ZNF141: variants seen among roughly 807,000 people sequenced by gnomAD.
ZNF141 encodes zinc finger protein 141 (clone pHZ-44).
A neutral mutation model predicts 11.3 loss-of-function variants in ZNF141; 7 were observed. The observed-to-expected ratio is 0.62, with a 90% CI of 0.35 to 1.16. The LOEUF (loss-of-function observed/expected upper bound fraction) is 1.16. Ranked by LOEUF, ZNF141 falls within the 50% of genes most tolerant of loss-of-function variation. The pLI, the probability that ZNF141 is intolerant of heterozygous loss-of-function variation, is 0.02. For missense variants in ZNF141, 535 were observed against 554.0 expected (o/e 0.97, Z 0.34); for synonymous variants, 183 against 190.7 (o/e 0.96, Z 0.33).
chr4:352,154 G>A (rs1395719981), intron 3 of ZNF141, among the ~76,000 whole-genome samples: 1 of 152,164 alleles, frequency 6.6e-6, no homozygotes, highest in African/African-American at 2.4e-5. Flanking sequence ...TTGGGAGGCC[G>A]AGACGGGCAT....
chr4:346,896 G>GC (rs200698140), intron 3 of ZNF141, among the ~76,000 whole-genome samples: 22 of 128,820 alleles, frequency 1.7e-4, no homozygotes, highest in South Asian at 2.3e-4. Context: ...CACACACACC[G>GC]CCCCCCCCAT....
chr4:364,780 A>G (rs1309752011), intron 3 of ZNF141, among the ~76,000 whole-genome samples: 1 of 152,134 alleles, frequency 6.6e-6, no homozygotes, highest in Non-Finnish European at 1.5e-5. Context: ...TAGGCTACAT[A>G]GGGGTCAGGG....
intron 3 of ZNF141, among the ~76,000 whole-genome samples, chr4:348,083 A>G (rs782729022): frequency 2.0e-5 from 3 of 152,016 alleles, no homozygotes; most frequent in Non-Finnish European, 4.4e-5. Flanking sequence ...TGATCTCATG[A>G]TCTGCCTGCC....
At position 382,452 on chromosome 4, in the gene ZNF141, A is replaced by G. The variant is rs1171840938; in HGVS notation, c.*8590A>G. ...CAGGAACAGTAATTTGACTTTGTCT[A>G]TATTAAAAATCATAAATAGTCAACA... On this transcript the variant is annotated 3_prime_UTR_variant, in exon 4 of 4. Transcript: ENST00000240499. 3.3e-5 allele frequency among the ~76,000 whole-genome samples: 5 copies of G among 152,218 alleles called. No individual in the cohort carries two copies. Among genetic ancestry groups the G allele is most frequent in the African/African-American group, 9.6e-5 (4 of 41,462 alleles).
intron 3 of ZNF141, among the ~76,000 whole-genome samples, chr4:363,170 C>T (rs1483380132): frequency 5.9e-5 from 9 of 151,984 alleles, no homozygotes; most frequent in African/African-American, 2.2e-4. Flanking sequence ...CATGATTTGG[C>T]TCTCTGTCTG....
In ZNF141 at chr4:375,515, GA is replaced by G. The variant is rs1553854440; in HGVS notation, c.*1654del. On this transcript the variant is annotated 3_prime_UTR_variant, in exon 4 of 4. Coordinates refer to ENST00000240499, the MANE Select transcript of ZNF141 (RefSeq NM_003441.4). ...TAAAAAGAAGAGTATGTAAACATCA[GA>G]GGATTTACAGTAGAAAGAACTAAGG... Among the ~76,000 whole-genome samples, 1 of 151,978 alleles carries G rather than the reference GA, an allele frequency of 6.6e-6. No homozygotes were observed. The highest frequency in any genetic ancestry group is 1.9e-4 in the East Asian group (1 of 5,194).
rs962712588 is a variant in ZNF141, at chr4:371,936, A to G, written c.227-728A>G. On this transcript the variant is annotated intron_variant, in intron 3 of 3. Coordinates refer to ENST00000240499, the MANE Select transcript of ZNF141 (RefSeq NM_003441.4). Reference sequence around the variant, plus strand: ...GTTATTTGTACATTAACAAAAAGCTATTTGTCACAATCTTTACAATGTAGC... The same window carrying G: ...GTTATTTGTACATTAACAAAAAGCTGTTTGTCACAATCTTTACAATGTAGC... Among the ~76,000 whole-genome samples the G allele has an allele frequency of 2.6e-5, 4 of 152,172 alleles. No homozygotes were observed. The East Asian group carries it at 7.7e-4, about 29-fold the overall frequency.
At chr4:340,552 A>G (rs1007611597) in intron 1 of ZNF141, among the ~76,000 whole-genome samples, 2 of 152,186 alleles carry the variant, frequency 1.3e-5, no homozygotes, top group African/African-American at 4.8e-5. Flanking sequence ...ATGCCCACAA[A>G]TGTGCTTACC....
At chr4:342,299 C>T (rs1721085475) in intron 1 of ZNF141, among the ~76,000 whole-genome samples, 1 of 152,212 alleles carries the variant, frequency 6.6e-6, no homozygotes, top group Non-Finnish European at 1.5e-5. Flanking sequence ...CAGATACAGA[C>T]TTACTCAGAC....
At chr4:351,071 A>G (rs1178382447) in intron 3 of ZNF141, among the ~76,000 whole-genome samples, 2 of 151,534 alleles carry the variant, frequency 1.3e-5, no homozygotes, top group African/African-American at 2.4e-5. Flanking sequence ...TTTTAAAAGC[A>G]TGTGGCACCT....
At chr4:343,663 T>G in intron 1 of ZNF141, 119 bp from the exon 2 acceptor site, 18 of 1,166,612 alleles carry the variant, frequency 1.5e-5, no homozygotes, top group Non-Finnish European at 2.0e-5. Context: ...AGGCGGAGCT[T>G]GCAGTGAGCC....
At chr4:365,275 C>T (rs1319399178) in intron 3 of ZNF141, among the ~76,000 whole-genome samples, 1 of 152,214 alleles carries the variant, frequency 6.6e-6, no homozygotes, top group East Asian at 1.9e-4. Context: ...TCCCCCAACC[C>T]CTTGTGCTTC....
chr4:358,281 G>A (rs888304126), intron 3 of ZNF141: 2 of 369,804 alleles, frequency 5.4e-6, no homozygotes, highest in African/African-American at 2.3e-5. Context: ...TCTACCTCCC[G>A]AGTTCAAGTG....
rs1356825252 is a variant in ZNF141, at chr4:373,591, A to G, written c.1154A>G (p.His385Arg). 6.2e-7 allele frequency: 1 copy of G among 1,613,996 alleles called. No individual in the cohort carries two copies. Among genetic ancestry groups the G allele is most frequent in the Non-Finnish European group, 8.5e-7 (1 of 1,179,984 alleles). ...GGACGGTCCAGGGTCCTGAATGAAC[A>G]TAAAAAAATTCATACTGGAGAGAAA... ...AFGRSRVLNE[H>R]KKIHTGEKPY... is the part of the protein sequence containing the mutation. The change falls in exon 4 of 4, where the codon CAT becomes CGT. Residue 385 changes from histidine to arginine, a missense_variant. Physicochemically the swap from His to Arg is conservative, Grantham distance 29. Coordinates refer to ENST00000240499, the MANE Select transcript of ZNF141 (RefSeq NM_003441.4).
At chr4:352,524 C>A (rs1721651594) in intron 3 of ZNF141, among the ~76,000 whole-genome samples, 1 of 152,168 alleles carries the variant, frequency 6.6e-6, no homozygotes, top group Non-Finnish European at 1.5e-5. Context: ...CTAGCTCAGA[C>A]TGAAGGTGGA....
intron 3 of ZNF141, chr4:358,449 G>A (rs1560190372): frequency 3.9e-6 from 1 of 253,414 alleles, no homozygotes. Flanking sequence ...GCCTCCTGAA[G>A]TGCTGGGATT....
Position 374,451 on chromosome 4 carries a change from C to T in ZNF141, c.*589C>T, listed in dbSNP as rs116229813. 999 of 347,378 alleles carry T rather than the reference C, an allele frequency of 2.9e-3. 12 individuals carry two copies. The highest frequency in any genetic ancestry group is 0.019 in the African/African-American group (891 of 47,370). 21.5% of individuals were successfully genotyped at this position (347,378 alleles called of 1,614,324 possible). On this transcript the variant is annotated 3_prime_UTR_variant, in exon 4 of 4. Transcript: ENST00000240499. ...TAAGAGAATTTATACCAGAGAGAAA[C>T]CCTACACATGTAAAGAATGTGGCAA...
In ZNF141 at chr4:372,739, G is replaced by A. The variant is rs1712130245; in HGVS notation, c.302G>A (p.Arg101Lys). Residue 101 changes from arginine to lysine, a missense_variant, in exon 4 of 4, where the codon AGA becomes AAA. Physicochemically the swap from Arg to Lys is conservative, Grantham distance 26. Coordinates refer to ENST00000240499, the MANE Select transcript of ZNF141 (RefSeq NM_003441.4). ...GATTCATTCCACAAACTTATACTGA[G>A]AAGATATGAGAAATGTGGACATGAT... ...IEDSFHKLIL[R>K]RYEKCGHDNL... is the part of the protein sequence containing the mutation. The A allele has an allele frequency of 1.9e-6, 3 of 1,613,298 alleles. No homozygotes were observed. Among genetic ancestry groups the A allele is most frequent in the Non-Finnish European group, 1.7e-6 (2 of 1,179,542 alleles).
Position 341,123 on chromosome 4 carries a change from A to G in ZNF141, c.4-2659A>G, listed in dbSNP as rs892690450. Among the ~76,000 whole-genome samples, 11 of 150,436 alleles carry G rather than the reference A, an allele frequency of 7.3e-5. No individual in the cohort carries two copies. The East Asian group carries it at 1.4e-3, about 19-fold the overall frequency. ...TCGCTCTGTCGCCAGGCTGGGGTGC[A>G]GTGGTGCGATCTCGGCTCACTGCAA... On this transcript the variant is annotated intron_variant, in intron 1 of 3. Transcript: ENST00000240499.
Sources: gnomAD v4.1 joint callset for allele counts (sites outside exome capture counted in the v4.1 genomes callset) on GRCh38, gnomAD v4.1.1 for gene constraint, MANE v1.5 for transcripts, NCBI Gene and HGNC (gene_info 2026-07-23, HGNC 2026-07-21) for gene names.